Variants in SYCP2 observed in about 807,000 individuals in gnomAD.
SYCP2 encodes the protein synaptonemal complex lateral element protein.
Under a neutral mutation model 211.3 loss-of-function variants are expected in SYCP2, and 55 were observed. That is an observed-to-expected ratio of 0.26 (90% CI 0.21 to 0.33). The LOEUF is 0.33. Ranked by LOEUF, SYCP2 falls within the 10% of genes least tolerant of loss-of-function variation. SYCP2 has a pLI of 1.00. For missense variants in SYCP2, 1,731 were observed against 1,752.0 expected (o/e 0.99, Z 0.21); for synonymous variants, 570 against 555.2 (o/e 1.03, Z -0.37).
chr20:59,886,023 T>C (rs2059781256), intron 25 of SYCP2, 59 bp from the exon 26 acceptor site: 1 of 1,275,862 alleles, frequency 7.8e-7, no homozygotes, highest in Admixed American at 2.1e-5. Context: ...ATCATAAAAG[T>C]CATTTTAAGA....
intron 26 of SYCP2, among the ~76,000 whole-genome samples, chr20:59,883,476 T>A (rs968969709): frequency 6.6e-6 from 1 of 152,046 alleles, no homozygotes; most frequent in African/African-American, 2.4e-5. Context: ...AAAGAAATTG[T>A]GGTGCGTGTA....
intron 5 of SYCP2, among the ~76,000 whole-genome samples, 160 bp downstream of exon 5, chr20:59,920,199 A>G (rs749603706): frequency 6.6e-6 from 1 of 151,808 alleles, no homozygotes; most frequent in East Asian, 1.9e-4. Context: ...TGTGATCTTT[A>G]TATTTGTAAC....
At chr20:59,930,860 T>C (rs1261427238) in intron 2 of SYCP2, among the ~76,000 whole-genome samples, 1 of 152,214 alleles carries the variant, frequency 6.6e-6, no homozygotes, top group Non-Finnish European at 1.5e-5. Flanking sequence ...ATTTTATGTT[T>C]GTGATATAAA....
chr20:59,866,474 G>A (rs774630905), intron 40 of SYCP2, 21 bp downstream of exon 40: 5 of 1,593,570 alleles, frequency 3.1e-6, no homozygotes, highest in Middle Eastern at 3.3e-4. Context: ...AAAGTTTTCA[G>A]AACAGATTTT....
At chr20:59,893,058 C>T (rs2059938336) in intron 22 of SYCP2, 84 bp downstream of exon 22, 3 of 918,592 alleles carry the variant, frequency 3.3e-6, no homozygotes, top group South Asian at 1.6e-5. Flanking sequence ...TAATCATATA[C>T]AGTCCTTTTC....
chr20:59,900,556 C>T (rs1245197003), intron 17 of SYCP2, among the ~76,000 whole-genome samples, 188 bp downstream of exon 17: 1 of 151,916 alleles, frequency 6.6e-6, no homozygotes, highest in East Asian at 1.9e-4. Context: ...TATTAATAAC[C>T]CTACTCTTTA....
chr20:59,864,529 A>G lies in SYCP2; in HGVS notation c.4516-141T>C, dbSNP rs182915666. The G allele has an allele frequency of 4.2e-5, 25 of 600,426 alleles. No homozygotes were observed. The East Asian group carries it at 5.6e-4, about 13-fold the overall frequency. 37.2% of individuals were successfully genotyped at this position (600,426 alleles called of 1,614,324 possible). A position where few individuals can be genotyped will look rare whatever the true frequency, so the allele number is the denominator to read the frequency against. On this transcript the variant is annotated intron_variant, in intron 44 of 44. Transcript: ENST00000357552. ...TCTTTCATGAAGATATTGCATTCTAACAGGTCTACAGATATCCACAGAATT... is the reference window on the plus strand; with the variant it reads ...TCTTTCATGAAGATATTGCATTCTAGCAGGTCTACAGATATCCACAGAATT...
chr20:59,900,198 A>G lies in SYCP2; in HGVS notation c.1344T>C (p.Ala448=), dbSNP rs1348776639. The change falls in exon 18 of 45, where the codon GCT becomes GCC. Residue 448 remains alanine, a synonymous_variant. Coordinates refer to ENST00000357552, the MANE Select transcript of SYCP2 (RefSeq NM_014258.4). The part of the protein sequence containing the change: ...KEKSKSPKEF[A]KPSKYIKNSD... ...TGTTTTTGATATATTTTGAAGGTTT[A>G]GCAAATTCCTTTGGGGACTTTGATT... 2 of 1,613,322 alleles carry G rather than the reference A, an allele frequency of 1.2e-6. No individual in the cohort carries two copies. Among genetic ancestry groups the G allele is most frequent in the South Asian group, 1.1e-5 (1 of 91,034 alleles).
At chr20:59,923,827 C>CAG (rs150985060) in intron 2 of SYCP2, among the ~76,000 whole-genome samples, 9 of 150,466 alleles carry the variant, frequency 6.0e-5, no homozygotes, top group Admixed American at 3.3e-4. Flanking sequence ...TTAATCAATC[C>CAG]AGAGAGAGAG....
intron 26 of SYCP2, among the ~76,000 whole-genome samples, chr20:59,884,111 G>A (rs963666401): frequency 1.3e-5 from 2 of 151,946 alleles, no homozygotes; most frequent in African/African-American, 4.8e-5. Context: ...ATTGTTGTAC[G>A]TAAATAAATG....
At chr20:59,916,292 T>C (rs1247944565) in intron 8 of SYCP2, among the ~76,000 whole-genome samples, 194 bp downstream of exon 8, 2 of 152,188 alleles carry the variant, frequency 1.3e-5, no homozygotes, top group Non-Finnish European at 2.9e-5. Context: ...ACTTGAGCTA[T>C]ATGCACACAT....
At chr20:59,885,646 A>G (rs969554228) in intron 26 of SYCP2, among the ~76,000 whole-genome samples, 1 of 151,820 alleles carries the variant, frequency 6.6e-6, no homozygotes, top group African/African-American at 2.4e-5. Context: ...AAATACACAC[A>G]CACACACACG....
chr20:59,877,712 C>T (rs2059588365), intron 32 of SYCP2, among the ~76,000 whole-genome samples, 157 bp from the exon 33 acceptor site: 1 of 152,086 alleles, frequency 6.6e-6, no homozygotes, highest in Non-Finnish European at 1.5e-5. Context: ...TTTATCTTCC[C>T]ATTCCAGTTA....
At position 59,919,202 on chromosome 20, in the gene SYCP2, A is replaced by G; in HGVS notation, c.403-20T>C. ...TATGACCTGAAAAAAAGTGAATAATATTTAATTTACAAGTTACTATATATT... is the reference window on the plus strand; with the variant it reads ...TATGACCTGAAAAAAAGTGAATAATGTTTAATTTACAAGTTACTATATATT... On this transcript the variant is annotated intron_variant, in intron 6 of 44. Transcript: ENST00000357552. The G allele has an allele frequency of 8.5e-7, 1 of 1,175,198 alleles. No individual in the cohort carries two copies. Among genetic ancestry groups the G allele is most frequent in the African/African-American group, 1.5e-5 (1 of 64,650 alleles). 72.8% of individuals were successfully genotyped at this position (1,175,198 alleles called of 1,614,324 possible).
In SYCP2 at chr20:59,907,437, A is replaced by G; in HGVS notation, c.973-13T>C. On this transcript the variant is annotated splice_polypyrimidine_tract_variant and intron_variant, in intron 14 of 44. Transcript: ENST00000357552. ...CCCATTGATGATCCTTAAATTTAAA[A>G]GCAGGTTTTGGCCATAAATAATTTA... The G allele has an allele frequency of 6.2e-7, 1 of 1,606,632 alleles. No individual in the cohort carries two copies. The highest frequency in any genetic ancestry group is 1.7e-4 in the Middle Eastern group (1 of 6,028).
chr20:59,866,726 G>A, intron 39 of SYCP2, 137 bp from the exon 40 acceptor site: 1 of 633,864 alleles, frequency 1.6e-6, no homozygotes, highest in Admixed American at 3.2e-5. Context: ...TAAAAACTCA[G>A]TTATTTAAAC....
chr20:59,902,981 T>C (rs2060144021), intron 15 of SYCP2, among the ~76,000 whole-genome samples: 1 of 152,146 alleles, frequency 6.6e-6, no homozygotes, highest in Non-Finnish European at 1.5e-5. Context: ...CTTTTGACTT[T>C]TTTTCTATAG....
Position 59,908,473 on chromosome 20 carries a change from T to C in SYCP2, c.973-1049A>G, listed in dbSNP as rs2060253976. Among the ~76,000 whole-genome samples, 3 of 152,116 alleles carry C rather than the reference T, an allele frequency of 2.0e-5. No homozygotes were observed. In the South Asian group the frequency reaches 6.2e-4, roughly 32 times the overall value. On this transcript the variant is annotated intron_variant, in intron 14 of 44. Transcript: ENST00000357552. ...GAGGAAAGGGACAGTATTCTAAGTT[T>C]TCCCCAAGGCTTTGAGCAGCCTCCT... is the stretch of plus-strand genomic sequence containing the variant.
At chr20:59,906,538 A>T (rs941616349) in intron 15 of SYCP2, among the ~76,000 whole-genome samples, 1 of 152,154 alleles carries the variant, frequency 6.6e-6, no homozygotes, top group Non-Finnish European at 1.5e-5. Context: ...TACCTTAATC[A>T]AATATTAATT....
Sources: allele counts gnomAD v4.1 joint callset (sites outside exome capture counted in the v4.1 genomes callset), GRCh38; gene constraint gnomAD v4.1.1; transcripts MANE v1.5; gene names NCBI Gene and HGNC (gene_info 2026-07-23, HGNC 2026-07-21).